The following RARB variants were observed in gnomAD, a reference collection of about 807,000 sequenced individuals.
The protein encoded by RARB is HBV-activated protein.
RARB carries 17 observed loss-of-function variants against 51.9 expected under a neutral mutation model. The ratio of observed to expected loss-of-function variants is 0.33; its 90% CI spans 0.22 to 0.49. The LOEUF (loss-of-function observed/expected upper bound fraction) is 0.49. Among genes scored for constraint, RARB ranks in the 20% least tolerant of loss-of-function variants. The probability of loss-of-function intolerance (pLI) is 0.99; values close to 1 mark genes in which losing one functional copy is unlikely to be tolerated. For synonymous variants in RARB, 215 were observed against 195.4 expected, an observed-to-expected ratio of 1.10 and a Z score of -0.84; for missense variants, 369 against 550.8, an observed-to-expected ratio of 0.67 and a Z score of 3.30.
At chr3:25,488,497 C>T (rs1029316842) in intron 2 of RARB, among the ~76,000 whole-genome samples, 1 of 151,654 alleles carries the variant, frequency 6.6e-6, no homozygotes, top group African/African-American at 2.4e-5. Flanking sequence ...GGAATGATCA[C>T]CTGAGGAAAG....
At chr3:25,529,459 A>G (rs1038502680) in intron 3 of RARB, among the ~76,000 whole-genome samples, 1 of 152,186 alleles carries the variant, frequency 6.6e-6, no homozygotes, top group Non-Finnish European at 1.5e-5. Flanking sequence ...CTAAAAACAC[A>G]TATGTTTTAT....
intron 2 of RARB, among the ~76,000 whole-genome samples, chr3:25,483,171 G>A (rs1696313742): frequency 6.6e-6 from 1 of 152,200 alleles, no homozygotes; most frequent in Admixed American, 6.5e-5. Context: ...AACAGACATG[G>A]AGCGAGAGGC....
At chr3:25,336,322 A>C (rs887491617) in intron 5 of RARB, among the ~76,000 whole-genome samples, 8 of 152,352 alleles carry the variant, frequency 5.3e-5, no homozygotes, top group Middle Eastern at 3.4e-3. Flanking sequence ...AAGTAATAAT[A>C]GCCTCAAGAT....
intron 5 of RARB, among the ~76,000 whole-genome samples, chr3:25,300,270 G>A (rs1704009389): frequency 6.6e-6 from 1 of 152,180 alleles, no homozygotes; most frequent in African/African-American, 2.4e-5. Context: ...TCCTCAATGT[G>A]GAAAAATGAG....
intron 4 of RARB, among the ~76,000 whole-genome samples, chr3:25,152,168 A>G (rs1700297595): frequency 6.6e-6 from 1 of 152,176 alleles, no homozygotes; most frequent in Admixed American, 6.5e-5. Flanking sequence ...TCTCCCGTTG[A>G]AGTTTATAAA....
intron 3 of RARB, among the ~76,000 whole-genome samples, chr3:25,537,091 G>A (rs1210163386): frequency 1.3e-5 from 2 of 152,210 alleles, no homozygotes; most frequent in African/African-American, 2.4e-5. Flanking sequence ...GCCTGCTGCA[G>A]TAGGAGGCTG....
intron 2 of RARB, among the ~76,000 whole-genome samples, chr3:25,481,906 T>A (rs1240352297): frequency 6.6e-6 from 1 of 152,196 alleles, no homozygotes; most frequent in Non-Finnish European, 1.5e-5. Flanking sequence ...AATTTAATAT[T>A]CATAACAATC....
At chr3:24,910,130 T>C (rs1489869226) in intron 2 of RARB, among the ~76,000 whole-genome samples, 2 of 152,188 alleles carry the variant, frequency 1.3e-5, no homozygotes, top group African/African-American at 4.8e-5. Context: ...CCTCAGGCAG[T>C]CTGACTCTTC....
chr3:24,964,260 T>C (rs1696207364), intron 2 of RARB, among the ~76,000 whole-genome samples: 1 of 152,150 alleles, frequency 6.6e-6, no homozygotes, highest in Non-Finnish European at 1.5e-5. Context: ...GGAATTGATA[T>C]TTTGTAGGAA....
chr3:25,447,384 G>A (rs1307894998), intron 1 of RARB, among the ~76,000 whole-genome samples: 1 of 152,184 alleles, frequency 6.6e-6, no homozygotes, highest in African/African-American at 2.4e-5. Context: ...TCTAGCTGGG[G>A]CCATGTTTGC....
At chr3:24,960,563 C>T (rs1220487811) in intron 2 of RARB, among the ~76,000 whole-genome samples, 1 of 152,108 alleles carries the variant, frequency 6.6e-6, no homozygotes, top group Admixed American at 6.5e-5. Context: ...TGACAAGAGA[C>T]AATGTGGAAA....
chr3:25,102,468 A>T (rs527449880), intron 3 of RARB, among the ~76,000 whole-genome samples: 56 of 152,188 alleles, frequency 3.7e-4, no homozygotes, highest in African/African-American at 1.2e-3. Flanking sequence ...TGAACCCGGG[A>T]GGCAGAGACT....
chr3:25,298,627 G>A (rs952945244), intron 5 of RARB, among the ~76,000 whole-genome samples: 3 of 152,250 alleles, frequency 2.0e-5, no homozygotes, highest in African/African-American at 7.2e-5. Context: ...TAGCTTTGGG[G>A]ATTCCAGCAA....
At chr3:25,169,233 A>C (rs1464186464) in intron 4 of RARB, among the ~76,000 whole-genome samples, 1 of 152,200 alleles carries the variant, frequency 6.6e-6, no homozygotes, top group Non-Finnish European at 1.5e-5. Context: ...CCAGTAAAGA[A>C]AGACATGAGT....
At chr3:24,951,452 C>T (rs1357046293) in intron 2 of RARB, among the ~76,000 whole-genome samples, 3 of 152,090 alleles carry the variant, frequency 2.0e-5, no homozygotes, top group African/African-American at 7.2e-5. Flanking sequence ...GTGTTGTAAT[C>T]CTGAGAGTGA....
intron 2 of RARB, among the ~76,000 whole-genome samples, chr3:25,492,778 T>C (rs1471503884): frequency 6.6e-6 from 1 of 152,192 alleles, no homozygotes; most frequent in Admixed American, 6.5e-5. Flanking sequence ...ATAGTAAGTG[T>C]GCCGAGGAAG....
chr3:25,349,025 C>A (rs1418782553), intron 5 of RARB, among the ~76,000 whole-genome samples: 1 of 152,160 alleles, frequency 6.6e-6, no homozygotes, highest in African/African-American at 2.4e-5. Context: ...AGGATCAATG[C>A]CATCAAGAAG....
At chr3:25,449,651 G>C (rs927769635) in intron 1 of RARB, among the ~76,000 whole-genome samples, 2 of 152,082 alleles carry the variant, frequency 1.3e-5, no homozygotes, top group Admixed American at 1.3e-4. Context: ...TTATTTAGCA[G>C]CTGTATGGCC....
chr3:25,504,327 C>A (rs888698839), intron 3 of RARB, among the ~76,000 whole-genome samples: 1 of 152,086 alleles, frequency 6.6e-6, no homozygotes, highest in African/African-American at 2.4e-5. Flanking sequence ...ATTGACCCAG[C>A]AAAAAGAGAG....
Sources: gnomAD v4.1 joint callset for allele counts (sites outside exome capture counted in the v4.1 genomes callset) on GRCh38, gnomAD v4.1.1 for gene constraint, MANE v1.5 for transcripts, NCBI Gene and HGNC (gene_info 2026-07-23, HGNC 2026-07-21) for gene names.